PDZD4: variants seen among roughly 807,000 people sequenced by gnomAD.
PDZD4 encodes PDZ domain containing 4.
A neutral mutation model predicts 38.5 loss-of-function variants in PDZD4; 9 were observed. The ratio of observed to expected loss-of-function variants is 0.23; its 90% CI spans 0.14 to 0.41. PDZD4 has a LOEUF of 0.41. Ranked by LOEUF, PDZD4 falls within the 10% of genes least tolerant of loss-of-function variation. The pLI is 1.00. For synonymous variants in PDZD4, 349 were observed against 315.7 expected (o/e 1.11, Z -1.12); for missense variants, 612 against 722.0 (o/e 0.85, Z 1.75).
intron 2 of PDZD4, chrX:153,808,047 GC>G: frequency 9.5e-7 from 1 of 1,054,112 alleles, no homozygotes. Context: ...TTGTGAGGCG[GC>G]AGAGGAGAGA....
In PDZD4 at chrX:153,823,810, C is replaced by T. The variant is rs191198211; in HGVS notation, c.60+6429G>A. ...CATTTCACAGTTGAGGAAACTGAGT[C>T]ACTGAGCCAGTGGGCCATGCAGCGA... On this transcript the variant is annotated intron_variant, in intron 1 of 7. Coordinates refer to ENST00000393758, the MANE Select transcript of PDZD4 (RefSeq NM_001303512.2). 5.7e-4 allele frequency among the ~76,000 whole-genome samples: 64 copies of T among 112,754 alleles called. 3 individuals carry two copies. Among genetic ancestry groups the T allele is most frequent in the East Asian group, 5.3e-3 (19 of 3,576 alleles).
At chrX:153,829,585 C>A (rs2064519555) in intron 1 of PDZD4, 1 of 381,714 alleles carries the variant, frequency 2.6e-6, no homozygotes, top group East Asian at 2.0e-4. Flanking sequence ...CCGTTCCGGG[C>A]CGCGGGGCTG....
In PDZD4 at chrX:153,818,204, C is replaced by T. The variant is rs782760210; in HGVS notation, c.61-9609G>A. Reference sequence around the variant, plus strand: ...GAGGTTGCAGTGAGCCCAGATCACACCACTGTACTCCAGCCTGGGCAACAG... The same window carrying T: ...GAGGTTGCAGTGAGCCCAGATCACATCACTGTACTCCAGCCTGGGCAACAG... On this transcript the variant is annotated intron_variant, in intron 1 of 7. Transcript: ENST00000393758. Among the ~76,000 whole-genome samples, 7 of 111,536 alleles carry T rather than the reference C, an allele frequency of 6.3e-5. No homozygotes were observed. In the Admixed American group the frequency reaches 6.7e-4, roughly 11 times the overall value.
intron 1 of PDZD4, among the ~76,000 whole-genome samples, chrX:153,813,815 T>A (rs2064333249): frequency 9.0e-6 from 1 of 111,399 alleles, no homozygotes; most frequent in African/African-American, 3.3e-5. Context: ...AGGCTGGAGC[T>A]CAGCCTTTTA....
chrX:153,822,835 G>A (rs1315422413), intron 1 of PDZD4, among the ~76,000 whole-genome samples: 4 of 110,664 alleles, frequency 3.6e-5, no homozygotes, highest in African/African-American at 6.6e-5. Flanking sequence ...ATGCCACTAC[G>A]CCTGAGCAAT....
At chrX:153,824,257 T>C (rs2064457167) in intron 1 of PDZD4, among the ~76,000 whole-genome samples, 1 of 110,702 alleles carries the variant, frequency 9.0e-6, no homozygotes, top group Non-Finnish European at 1.9e-5. Context: ...TCTACAATCT[T>C]GGGACAATGA....
intron 3 of PDZD4, among the ~76,000 whole-genome samples, chrX:153,807,070 C>T (rs977791345): frequency 1.8e-5 from 2 of 112,770 alleles, no homozygotes; most frequent in African/African-American, 6.4e-5. Context: ...ATGCACGAGG[C>T]ACACACAGGC....
Position 153,803,529 on chromosome X carries a change from C to T in PDZD4, c.2152G>A (p.Gly718Ser), listed in dbSNP as rs782677370. The T allele has an allele frequency of 8.3e-7, 1 of 1,201,727 alleles. No homozygotes were observed. Among genetic ancestry groups the T allele is most frequent in the Admixed American group, 2.2e-5 (1 of 45,276 alleles). Residue 718 changes from glycine (G) to serine (S), a missense_variant, in exon 8 of 8, where the codon GGC becomes AGC. By Grantham distance (56) the Gly-to-Ser change is moderately conservative. Coordinates refer to ENST00000393758, the MANE Select transcript of PDZD4 (RefSeq NM_001303512.2). ...RLECLREQQN[G>S]DSKPELNIIA... ...ATGTTGAGCTCGGGCTTGCTGTCGC[C>T]ATTCTGCTGCTCCCGCAGGCACTCC...
intron 1 of PDZD4, among the ~76,000 whole-genome samples, chrX:153,809,324 C>T (rs1250409811): frequency 8.0e-5 from 9 of 112,865 alleles, no homozygotes; most frequent in African/African-American, 6.4e-5. Context: ...CGGTGGCTCA[C>T]GCCTGTAATC....
rs782722204 is a variant in PDZD4 at position 153,808,116 on chromosome X, G to A, written c.314+226C>T. 28 of 1,070,086 alleles carry A rather than the reference G, an allele frequency of 2.6e-5. No individual in the cohort carries two copies. In the Middle Eastern group the frequency reaches 9.1e-4, roughly 35 times the overall value. The allele number at this position is 1,070,086 out of a possible 1,213,427, so 88.2% of individuals were successfully genotyped here. A position where few individuals can be genotyped will look rare whatever the true frequency, so the allele number is the denominator to read the frequency against. On this transcript the variant is annotated intron_variant, in intron 2 of 7. Transcript: ENST00000393758. ...CTGGCACTTCCGGCAGCGACGTCCC[G>A]GACAGGAGGGTCCTCCCTCGGCCCT...
At chrX:153,815,410 A>T (rs2064351102) in intron 1 of PDZD4, among the ~76,000 whole-genome samples, 1 of 111,644 alleles carries the variant, frequency 9.0e-6, no homozygotes, top group African/African-American at 3.3e-5. Context: ...CGACCCCATC[A>T]CCCTTTCTAG....
chrX:153,812,427 C>T lies in PDZD4; in HGVS notation c.61-3832G>A, dbSNP rs1224469841. Among the ~76,000 whole-genome samples, 3 of 110,019 alleles carry T rather than the reference C, an allele frequency of 2.7e-5. No individual in the cohort carries two copies. In the East Asian group the frequency reaches 8.6e-4, roughly 32 times the overall value. ...CTTTCTACCCGGAATCATTACCGAGCAGCAGTGTTGCTATGGAAACTGAGG... is the reference window on the plus strand; with the variant it reads ...CTTTCTACCCGGAATCATTACCGAGTAGCAGTGTTGCTATGGAAACTGAGG... On this transcript the variant is annotated intron_variant, in intron 1 of 7. Coordinates refer to ENST00000393758, the MANE Select transcript of PDZD4 (RefSeq NM_001303512.2).
rs2064279477 is a variant in PDZD4, at chrX:153,808,605, A to C, written c.61-10T>G. The C allele has an allele frequency of 8.7e-7, 1 of 1,147,189 alleles. No individual in the cohort carries two copies. Among genetic ancestry groups the C allele is most frequent in the Non-Finnish European group, 1.2e-6 (1 of 863,142 alleles). 94.5% of individuals were successfully genotyped at this position (1,147,189 alleles called of 1,213,427 possible). A position where few individuals can be genotyped will look rare whatever the true frequency, so the allele number is the denominator to read the frequency against. The stretch of plus-strand genomic sequence containing the variant: ...GCTCCTTCCCGTTCACCTGCGGCAG[A>C]GACACGCCTCCGTAAGAACCCTCAA... On this transcript the variant is annotated splice_polypyrimidine_tract_variant and intron_variant, in intron 1 of 7. Transcript: ENST00000393758.
At chrX:153,821,502 C>G (rs782500430) in intron 1 of PDZD4, among the ~76,000 whole-genome samples, 1 of 110,291 alleles carries the variant, frequency 9.1e-6, no homozygotes, top group East Asian at 2.8e-4. Context: ...AACAACACCT[C>G]ACTTCACCAC....
Position 153,818,741 on chromosome X carries a change from C to T in PDZD4, c.61-10146G>A, listed in dbSNP as rs1447588149. ...CTCGACCTGCATCGACACAGCCTTC[C>T]GGAGCTTTTTGCAGAGAAGGAGCAG... On this transcript the variant is annotated intron_variant, in intron 1 of 7. Coordinates refer to ENST00000393758, the MANE Select transcript of PDZD4 (RefSeq NM_001303512.2). Among the ~76,000 whole-genome samples, 5 of 111,517 alleles carry T rather than the reference C, an allele frequency of 4.5e-5. No homozygotes were observed. The Admixed American group carries it at 4.7e-4, about 11-fold the overall frequency.
chrX:153,816,725 A>T (rs2064366810), intron 1 of PDZD4, among the ~76,000 whole-genome samples: 1 of 111,596 alleles, frequency 9.0e-6, no homozygotes, highest in African/African-American at 3.3e-5. Context: ...TTGAGCTGAG[A>T]CCTAAATGAT....
chrX:153,810,644 G>A (rs781830418), intron 1 of PDZD4, among the ~76,000 whole-genome samples: 2 of 112,505 alleles, frequency 1.8e-5, no homozygotes, highest in East Asian at 5.6e-4. Context: ...CATTCTCACG[G>A]CGGCACCTCC....
intron 1 of PDZD4, among the ~76,000 whole-genome samples, chrX:153,824,639 A>C (rs1465779900): frequency 1.8e-5 from 2 of 111,306 alleles, no homozygotes; most frequent in African/African-American, 6.5e-5. Flanking sequence ...ACGCTCCCGC[A>C]CTCAAGCAGT....
Position 153,806,702 on chromosome X carries a change from G to A in PDZD4, c.504+40C>T, listed in dbSNP as rs782139290. 4 of 1,155,953 alleles carry A rather than the reference G, an allele frequency of 3.5e-6. No homozygotes were observed. In the African/African-American group the frequency reaches 7.1e-5, roughly 21 times the overall value. On this transcript the variant is annotated intron_variant, in intron 4 of 7. Coordinates refer to ENST00000393758, the MANE Select transcript of PDZD4 (RefSeq NM_001303512.2). ...AGCCTCTGAGCCACAGGCAGGCCAT[G>A]TGGATGGGCCTCGGGGCTGGGGCAT...
Sources: allele counts gnomAD v4.1 joint callset (sites outside exome capture counted in the v4.1 genomes callset), GRCh38; gene constraint gnomAD v4.1.1; transcripts MANE v1.5; gene names NCBI Gene and HGNC (gene_info 2026-07-23, HGNC 2026-07-21).